The following EFNA5 variants were observed in gnomAD, a reference collection of about 807,000 sequenced individuals.
EFNA5 encodes ephrin-A5.
In EFNA5, 5 loss-of-function variants were observed where a neutral mutation model predicts 22.9. The ratio of observed to expected loss-of-function variants is 0.22; its 90% CI spans 0.11 to 0.46. The LOEUF (loss-of-function observed/expected upper bound fraction) is 0.46. Among genes scored for constraint, EFNA5 ranks in the 20% least tolerant of loss-of-function variants. EFNA5 has a pLI of 0.99. For missense variants in EFNA5, 237 were observed against 293.3 expected (o/e 0.81, Z 1.40); for synonymous variants, 113 against 112.2 (o/e 1.01, Z -0.04).
intron 1 of EFNA5, among the ~76,000 whole-genome samples, chr5:107,587,175 C>T (rs1434153164): frequency 1.3e-5 from 2 of 152,162 alleles, no homozygotes; most frequent in South Asian, 2.1e-4. Context: ...GATTAACATT[C>T]ATGACATATA....
intron 2 of EFNA5, chr5:107,426,911 G>T (rs1350550875): frequency 3.5e-6 from 1 of 285,914 alleles, no homozygotes; most frequent in Non-Finnish European, 6.5e-6. Context: ...TTTTTTTCAG[G>T]AGTCTTTTTT....
At position 107,670,765 on chromosome 5, in the gene EFNA5, C is replaced by G. The variant is rs761218195; in HGVS notation, c.-152G>C. The G allele has an allele frequency of 9.7e-5, 107 of 1,102,788 alleles. No homozygotes were observed. The highest frequency in any genetic ancestry group is 1.3e-4 in the Non-Finnish European group (100 of 785,848). 68.3% of individuals were successfully genotyped at this position (1,102,788 alleles called of 1,614,324 possible). On this transcript the variant is annotated 5_prime_UTR_variant, in exon 1 of 5. Transcript: ENST00000333274. ...GAAAGTGGGCGAGAAAGGAAAGAGG[C>G]GCCCACCAAGCTGGGGAGGGGTAGG...
At chr5:107,610,313 AT>A (rs767077665) in intron 1 of EFNA5, among the ~76,000 whole-genome samples, 1 of 152,236 alleles carries the variant, frequency 6.6e-6, no homozygotes. Context: ...TGAGGGGAGC[AT>A]TTACAGAGAC....
intron 1 of EFNA5, among the ~76,000 whole-genome samples, chr5:107,540,448 G>C (rs1057370485): frequency 1.3e-5 from 2 of 152,142 alleles, no homozygotes; most frequent in Non-Finnish European, 1.5e-5. Context: ...CCGAACAAAA[G>C]CTGATTATCT....
intron 1 of EFNA5, among the ~76,000 whole-genome samples, chr5:107,649,218 T>C (rs1264252311): frequency 2.0e-5 from 3 of 152,164 alleles, no homozygotes; most frequent in African/African-American, 7.2e-5. Flanking sequence ...GATGACTTGA[T>C]TAAGGTAAAC....
chr5:107,448,509 A>T (rs1749456452), intron 1 of EFNA5, among the ~76,000 whole-genome samples: 1 of 152,102 alleles, frequency 6.6e-6, no homozygotes. Context: ...GAAAAGTTAC[A>T]CAGAGGGAGG....
intron 1 of EFNA5, among the ~76,000 whole-genome samples, chr5:107,529,764 T>C (rs1747770796): frequency 6.6e-6 from 1 of 152,212 alleles, no homozygotes; most frequent in Non-Finnish European, 1.5e-5. Flanking sequence ...TCCCTGGAAC[T>C]GCATGGCCAA....
intron 1 of EFNA5, among the ~76,000 whole-genome samples, chr5:107,537,713 A>T (rs541379580): frequency 6.6e-6 from 1 of 152,366 alleles, no homozygotes; most frequent in African/African-American, 2.4e-5. Context: ...AAAAAGGTAG[A>T]GTGCTTTTTT....
intron 1 of EFNA5, among the ~76,000 whole-genome samples, chr5:107,566,559 C>A (rs566450059): frequency 3.5e-4 from 53 of 152,270 alleles, no homozygotes; most frequent in African/African-American, 1.3e-3. Flanking sequence ...TTTTAAAACA[C>A]GTAAGCAAAT....
chr5:107,482,860 C>CTA (rs1750519159), intron 1 of EFNA5, among the ~76,000 whole-genome samples: 1 of 87,858 alleles, frequency 1.1e-5, no homozygotes, highest in Non-Finnish European at 2.4e-5. Flanking sequence ...CTCTCTCTCT[C>CTA]TCTCTCTCTC....
intron 1 of EFNA5, among the ~76,000 whole-genome samples, chr5:107,501,109 G>A (rs1329491612): frequency 6.6e-6 from 1 of 152,168 alleles, no homozygotes; most frequent in Admixed American, 6.5e-5. Context: ...AAACTAATAT[G>A]AGGACAACTT....
chr5:107,459,748 T>C (rs1032654055), intron 1 of EFNA5, among the ~76,000 whole-genome samples: 5 of 152,126 alleles, frequency 3.3e-5, no homozygotes, highest in African/African-American at 9.7e-5. Context: ...AGAAAATTCC[T>C]AGCTTCAAGC....
At chr5:107,425,297 T>G (rs1004732239) in intron 2 of EFNA5, among the ~76,000 whole-genome samples, 1 of 152,250 alleles carries the variant, frequency 6.6e-6, no homozygotes, top group African/African-American at 2.4e-5. Context: ...AGTGGGTATG[T>G]TCCTCATCTT....
chr5:107,496,588 C>T (rs547995274), intron 1 of EFNA5, among the ~76,000 whole-genome samples: 1 of 152,302 alleles, frequency 6.6e-6, no homozygotes, highest in Non-Finnish European at 1.5e-5. Flanking sequence ...CTCACTGACA[C>T]AGATTTGTAG....
In EFNA5 at chr5:107,647,358, G is replaced by C. The variant is rs567052063; in HGVS notation, c.125+23131C>G. Among the ~76,000 whole-genome samples, 8 of 152,166 alleles carry C rather than the reference G, an allele frequency of 5.3e-5. No individual in the cohort carries two copies. In the South Asian group the frequency reaches 1.7e-3, roughly 32 times the overall value. On this transcript the variant is annotated intron_variant, in intron 1 of 4. Coordinates refer to ENST00000333274, the MANE Select transcript of EFNA5 (RefSeq NM_001962.3). ...TAACAGTAACTCAATATTTATAAAA[G>C]AGAAACATAGTTCAAAATCATAGCC...
At chr5:107,478,544 A>G (rs1460000653) in intron 1 of EFNA5, among the ~76,000 whole-genome samples, 2 of 152,198 alleles carry the variant, frequency 1.3e-5, no homozygotes, top group Non-Finnish European at 2.9e-5. Context: ...GATTTGTGAG[A>G]CTCAGACAAC....
At chr5:107,531,467 A>G (rs531720011) in intron 1 of EFNA5, among the ~76,000 whole-genome samples, 8 of 152,346 alleles carry the variant, frequency 5.3e-5, no homozygotes, top group Non-Finnish European at 1.2e-4. Flanking sequence ...TTAGGCTGGA[A>G]GAGACTGTTT....
chr5:107,434,761 T>C (rs1444653259), intron 1 of EFNA5, among the ~76,000 whole-genome samples: 1 of 152,244 alleles, frequency 6.6e-6, no homozygotes, highest in Non-Finnish European at 1.5e-5. Context: ...CTTCACATTA[T>C]GTTTTAAAGA....
chr5:107,588,413 C>T (rs1749240626), intron 1 of EFNA5, among the ~76,000 whole-genome samples: 1 of 152,166 alleles, frequency 6.6e-6, no homozygotes, highest in East Asian at 1.9e-4. Context: ...ATCCTAGTCT[C>T]TCTGCACTGA....
Sources: gnomAD v4.1 joint callset for allele counts (sites outside exome capture counted in the v4.1 genomes callset) on GRCh38, gnomAD v4.1.1 for gene constraint, MANE v1.5 for transcripts, NCBI Gene and HGNC (gene_info 2026-07-23, HGNC 2026-07-21) for gene names.